Variants in MAGI2 observed in about 807,000 individuals in gnomAD.
MAGI2 encodes membrane-associated guanylate kinase, WW and PDZ domain-containing protein 2.
A neutral mutation model predicts 133.3 loss-of-function variants in MAGI2; 35 were observed. The observed-to-expected ratio is 0.26, with a 90% CI of 0.20 to 0.35. The LOEUF (loss-of-function observed/expected upper bound fraction) is 0.35. MAGI2 is among the 10% of genes least tolerant of loss of function. The probability of loss-of-function intolerance (pLI) is 1.00; values close to 1 mark genes in which losing one functional copy is unlikely to be tolerated. For synonymous variants in MAGI2, 729 were observed against 710.6 expected, an observed-to-expected ratio of 1.03 and a Z score of -0.41; for missense variants, 1,636 against 1,863.4, an observed-to-expected ratio of 0.88 and a Z score of 2.25.
At chr7:78,367,159 G>A (rs1367534009) in intron 7 of MAGI2, among the ~76,000 whole-genome samples, 4 of 144,400 alleles carry the variant, frequency 2.8e-5, no homozygotes, top group African/African-American at 5.1e-5. Context: ...AAAAATTTTC[G>A]TTTAGGGTTA....
At chr7:78,776,768 T>G (rs928410772) in intron 2 of MAGI2, among the ~76,000 whole-genome samples, 4 of 152,214 alleles carry the variant, frequency 2.6e-5, no homozygotes, top group Admixed American at 1.3e-4. Flanking sequence ...CGCATGGGAA[T>G]TATGATGGTC....
chr7:78,591,016 T>A (rs1407212032), intron 3 of MAGI2, among the ~76,000 whole-genome samples: 2 of 152,212 alleles, frequency 1.3e-5, no homozygotes, highest in Admixed American at 1.3e-4. Context: ...CTATATTTAT[T>A]AATTTATTCC....
In MAGI2 at chr7:78,198,614, T is replaced by C. The variant is rs1828955831; in HGVS notation, c.2079+2548A>G. Among the ~76,000 whole-genome samples, 4 of 152,126 alleles carry C rather than the reference T, an allele frequency of 2.6e-5. 1 individual carries two copies. In the South Asian group the frequency reaches 8.3e-4, roughly 32 times the overall value. ...GCCCAGCTAGTTTTTGTATTTTTAG[T>C]AGAGACAGGATTTCGCCATGTTGGC... is the stretch of plus-strand genomic sequence containing the variant. On this transcript the variant is annotated intron_variant, in intron 11 of 21. Transcript: ENST00000354212.
intron 1 of MAGI2, among the ~76,000 whole-genome samples, chr7:79,237,029 A>C (rs1167407660): frequency 1.3e-5 from 2 of 152,188 alleles, no homozygotes; most frequent in African/African-American, 4.8e-5. Flanking sequence ...TGTATGACTG[A>C]ATGAGACTCC....
intron 6 of MAGI2, among the ~76,000 whole-genome samples, chr7:78,398,997 G>A (rs1796608136): frequency 6.6e-6 from 1 of 152,022 alleles, no homozygotes; most frequent in Admixed American, 6.6e-5. Context: ...CTGATACCAG[G>A]CAATACTTTC....
At chr7:78,968,474 A>G (rs1201604746) in intron 2 of MAGI2, among the ~76,000 whole-genome samples, 1 of 150,156 alleles carries the variant, frequency 6.7e-6, no homozygotes, top group Non-Finnish European at 1.5e-5. Flanking sequence ...CTCCTAGGTT[A>G]AGTTTATTTC....
rs957350505 is a variant in MAGI2 at position 78,703,138 on chromosome 7, T to TA, written c.419-75900dup. Among the ~76,000 whole-genome samples, 541 of 151,986 alleles carry TA rather than the reference T, an allele frequency of 3.6e-3. 6 individuals carry two copies. The highest frequency in any genetic ancestry group is 0.012 in the African/African-American group (504 of 41,512). ...AGAAGTCAGTACAGAAAATAAAGTT[T>TA]AAAAAAAATCCCAGAGCCAAAGAAA... On this transcript the variant is annotated intron_variant, in intron 2 of 21. Coordinates refer to ENST00000354212, the MANE Select transcript of MAGI2 (RefSeq NM_012301.4).
At chr7:78,501,040 A>T (rs1303629618) in intron 5 of MAGI2, among the ~76,000 whole-genome samples, 1 of 152,216 alleles carries the variant, frequency 6.6e-6, no homozygotes, top group African/African-American at 2.4e-5. Flanking sequence ...GTGAGCCGTG[A>T]TTGTGCCACT....
intron 1 of MAGI2, among the ~76,000 whole-genome samples, chr7:79,224,589 G>T (rs1176079582): frequency 6.6e-6 from 1 of 152,048 alleles, no homozygotes; most frequent in Non-Finnish European, 1.5e-5. Context: ...ATTGGGGAAT[G>T]AATTAAGACT....
chr7:79,443,285 C>CGTGTGTGTGTGTGT (rs10600873), intron 1 of MAGI2, among the ~76,000 whole-genome samples: 1 of 139,326 alleles, frequency 7.2e-6, no homozygotes, highest in African/African-American at 2.9e-5. Flanking sequence ...TGTGTGTGTG[C>CGTGTGTGTGTGTGT]GTGTGTGTGT....
At chr7:79,437,831 C>T (rs984887345) in intron 1 of MAGI2, among the ~76,000 whole-genome samples, 1 of 151,990 alleles carries the variant, frequency 6.6e-6, no homozygotes, top group Non-Finnish European at 1.5e-5. Flanking sequence ...AAAATGTTAT[C>T]TTTAGTGTTT....
chr7:78,552,241 T>C (rs1306673718), intron 3 of MAGI2, among the ~76,000 whole-genome samples: 1 of 138,108 alleles, frequency 7.2e-6, no homozygotes, highest in Non-Finnish European at 1.5e-5. Context: ...TGGAGTACAA[T>C]GGCGCGATCT....
chr7:79,441,362 T>C (rs964385797), intron 1 of MAGI2, among the ~76,000 whole-genome samples: 2 of 152,200 alleles, frequency 1.3e-5, no homozygotes, highest in African/African-American at 4.8e-5. Flanking sequence ...GTTAAAAGCG[T>C]CAATTTCCCC....
intron 3 of MAGI2, among the ~76,000 whole-genome samples, chr7:78,584,988 A>C (rs1207578715): frequency 1.3e-5 from 2 of 152,204 alleles, no homozygotes; most frequent in Non-Finnish European, 2.9e-5. Flanking sequence ...TGTGCCTGCT[A>C]CTAGGATTTA....
chr7:79,371,380 AG>A lies in MAGI2; in HGVS notation c.301+81639del, dbSNP rs537138968. ...ATTCTTAAAGAATTGCATTACTAAA[AG>A]GAAAAAAAAATAACTTATAATAACA... On this transcript the variant is annotated intron_variant, in intron 1 of 21. Transcript: ENST00000354212. Among the ~76,000 whole-genome samples, 16 of 152,212 alleles carry A rather than the reference AG, an allele frequency of 1.1e-4. No homozygotes were observed. In the East Asian group the frequency reaches 3.1e-3, roughly 29 times the overall value.
chr7:79,090,957 T>C (rs1166795348), intron 1 of MAGI2, among the ~76,000 whole-genome samples: 2 of 151,720 alleles, frequency 1.3e-5, no homozygotes, highest in Non-Finnish European at 2.9e-5. Context: ...GTTTGTCTTC[T>C]TACTGCAGTT....
intron 6 of MAGI2, among the ~76,000 whole-genome samples, chr7:78,391,714 A>G (rs1583855189): frequency 2.6e-5 from 4 of 152,330 alleles, no homozygotes; most frequent in Admixed American, 1.3e-4. Context: ...ATTATATGGC[A>G]TAACACAGAA....
intron 1 of MAGI2, among the ~76,000 whole-genome samples, chr7:79,056,309 C>T (rs1190326316): frequency 6.6e-6 from 1 of 152,070 alleles, no homozygotes. Context: ...AAGGCTGCTT[C>T]AAGCTATGAT....
intron 6 of MAGI2, among the ~76,000 whole-genome samples, chr7:78,482,878 TACACACACACACACACAC>T (rs3086358): frequency 0.014 from 1,269 of 89,934 alleles, 16 homozygotes; most frequent in African/African-American, 0.049. Flanking sequence ...CACATGGAAC[TACACACACACACACACAC>T]ACACACACAC....
Sources: allele counts gnomAD v4.1 joint callset (sites outside exome capture counted in the v4.1 genomes callset), GRCh38; gene constraint gnomAD v4.1.1; transcripts MANE v1.5; gene names NCBI Gene and HGNC (gene_info 2026-07-23, HGNC 2026-07-21).